RIC8B: variants seen among roughly 807,000 people sequenced by gnomAD.
The protein encoded by RIC8B is RIC8 guanine nucleotide exchange factor B.
In RIC8B, 16 loss-of-function variants were observed where a neutral mutation model predicts 57.5. The observed-to-expected ratio is 0.28, with a 90% confidence interval of 0.19 to 0.42. RIC8B has a LOEUF of 0.42. RIC8B is among the 10% of genes least tolerant of loss of function. The probability of loss-of-function intolerance (pLI) is 1.00; values close to 1 mark genes in which losing one functional copy is unlikely to be tolerated. For synonymous variants in RIC8B, 216 were observed against 250.8 expected, an observed-to-expected ratio of 0.86 and a Z score of 1.31; for missense variants, 481 against 677.0, an observed-to-expected ratio of 0.71 and a Z score of 3.21.
chr12:106,781,956 C>A (rs934911627), intron 1 of RIC8B, among the ~76,000 whole-genome samples: 22 of 152,248 alleles, frequency 1.4e-4, no homozygotes, highest in African/African-American at 4.8e-4. Context: ...CACTAAACCT[C>A]AGGTCTATAC....
chr12:106,872,669 CAA>C (rs11396158), intron 9 of RIC8B, among the ~76,000 whole-genome samples: 5 of 92,836 alleles, frequency 5.4e-5, no homozygotes, highest in Admixed American at 1.2e-4. Context: ...AACTCTGTCT[CAA>C]AAAAAAAAAA....
chr12:106,807,487 G>A (rs2045095946), intron 2 of RIC8B, among the ~76,000 whole-genome samples: 1 of 152,192 alleles, frequency 6.6e-6, no homozygotes, highest in Admixed American at 6.5e-5. Flanking sequence ...GCTATAGAAG[G>A]GGATAAGACA....
At chr12:106,832,385 T>C (rs952171254) in intron 4 of RIC8B, among the ~76,000 whole-genome samples, 3 of 152,108 alleles carry the variant, frequency 2.0e-5, no homozygotes, top group Admixed American at 2.0e-4. Flanking sequence ...CTGGCCAACA[T>C]GGTGAAACCA....
At chr12:106,804,630 G>C (rs2044920449) in intron 2 of RIC8B, among the ~76,000 whole-genome samples, 1 of 152,244 alleles carries the variant, frequency 6.6e-6, no homozygotes, top group South Asian at 2.1e-4. Context: ...ATATTCTATA[G>C]CACACAGTGC....
intron 4 of RIC8B, among the ~76,000 whole-genome samples, chr12:106,831,977 T>C (rs766713326): frequency 9.2e-5 from 14 of 152,202 alleles, no homozygotes; most frequent in Non-Finnish European, 1.8e-4. Flanking sequence ...GCTACTCTGC[T>C]CTTCTTTCTC....
intron 8 of RIC8B, among the ~76,000 whole-genome samples, chr12:106,862,879 T>A (rs1949997953): frequency 6.6e-6 from 1 of 152,160 alleles, no homozygotes; most frequent in African/African-American, 2.4e-5. Flanking sequence ...TTTAATGGAC[T>A]GGAAATGGCT....
intron 2 of RIC8B, among the ~76,000 whole-genome samples, chr12:106,795,617 C>T (rs2044444923): frequency 6.6e-6 from 1 of 152,112 alleles, no homozygotes; most frequent in Non-Finnish European, 1.5e-5. Flanking sequence ...GTCTTGTCTG[C>T]TCCTTAATGT....
At chr12:106,869,837 G>T (rs1950319218) in intron 8 of RIC8B, among the ~76,000 whole-genome samples, 2 of 152,178 alleles carry the variant, frequency 1.3e-5, no homozygotes, top group African/African-American at 4.8e-5. Context: ...CACCCTGGAG[G>T]TTGAGGCAGG....
rs368782895 is a variant in RIC8B at position 106,886,012 on chromosome 12, C to G, written c.1680C>G (p.Asp560Glu). 180 of 1,599,138 alleles carry G rather than the reference C, an allele frequency of 1.1e-4. No homozygotes were observed. The highest frequency in any genetic ancestry group is 1.4e-4 in the Non-Finnish European group (166 of 1,166,738). Reference protein sequence around the residue: ...SVIEETSSDTD With the variant: ...SVIEETSSDTE ...TCGAAGAGACCAGCTCTGACACAGA[C>G]TAAAAGCATCACCTGCTCAACTCTC... Residue 560 changes from aspartate (D) to glutamate (E), a missense_variant, in exon 10 of 10, where the codon GAC (aspartate) becomes GAG (glutamate). By Grantham distance (45) the Asp-to-Glu change is conservative. Transcript: ENST00000392837.
At chr12:106,824,248 G>A (rs186765960) in intron 3 of RIC8B, among the ~76,000 whole-genome samples, 39 of 152,130 alleles carry the variant, frequency 2.6e-4, no homozygotes, top group African/African-American at 8.9e-4. Flanking sequence ...TTAATCCTTT[G>A]TAACCCTGAC....
At chr12:106,881,212 G>A (rs77927076) in intron 9 of RIC8B, among the ~76,000 whole-genome samples, 13,853 of 151,864 alleles carry the variant, frequency 0.091, 904 homozygotes, top group Middle Eastern at 0.15. Flanking sequence ...ATCCTTAGAA[G>A]TTGGGGGTGG....
At chr12:106,814,611 TG>T (rs755832709) in intron 2 of RIC8B, 84 bp from the exon 3 acceptor site, 69 of 1,351,192 alleles carry the variant, frequency 5.1e-5, no homozygotes, top group Non-Finnish European at 6.6e-5. Context: ...TTTTAACTGT[TG>T]TTAAGTACAT....
chr12:106,856,023 C>T (rs891079133), intron 7 of RIC8B, among the ~76,000 whole-genome samples: 3 of 152,118 alleles, frequency 2.0e-5, no homozygotes, highest in Admixed American at 6.5e-5. Context: ...TTCCTAAAGC[C>T]AGAAACTTAG....
intron 2 of RIC8B, among the ~76,000 whole-genome samples, chr12:106,795,731 T>C (rs971090244): frequency 6.6e-6 from 1 of 152,164 alleles, no homozygotes; most frequent in African/African-American, 2.4e-5. Context: ...AGGCTGCTCT[T>C]TGTTAGAAAG....
chr12:106,816,840 T>C (rs2136293499), intron 3 of RIC8B, among the ~76,000 whole-genome samples: 1 of 152,344 alleles, frequency 6.6e-6, no homozygotes, highest in Admixed American at 6.5e-5. Context: ...GAAGAAGCTT[T>C]AGAAAATGTT....
intron 7 of RIC8B, among the ~76,000 whole-genome samples, chr12:106,858,106 G>A (rs1272306644): frequency 4.6e-5 from 7 of 152,038 alleles, no homozygotes; most frequent in Non-Finnish European, 1.0e-4. Flanking sequence ...CAGTTATTTA[G>A]TATTCTGTTT....
chr12:106,868,766 GACAC>G (rs56293147), intron 8 of RIC8B, among the ~76,000 whole-genome samples: 27,705 of 122,620 alleles, frequency 0.23, 3,155 homozygotes, highest in South Asian at 0.31. Flanking sequence ...AGGCACTCTA[GACAC>G]ACACACACAC....
intron 2 of RIC8B, among the ~76,000 whole-genome samples, chr12:106,800,277 C>A (rs143285322): frequency 2.6e-5 from 4 of 152,038 alleles, no homozygotes; most frequent in Admixed American, 2.0e-4. Flanking sequence ...AGCATCTTTC[C>A]GGGGAAGCCT....
chr12:106,881,683 T>C (rs188815302), intron 9 of RIC8B, among the ~76,000 whole-genome samples: 77 of 152,260 alleles, frequency 5.1e-4, no homozygotes, highest in African/African-American at 1.7e-3. Context: ...TAGTCCCAGA[T>C]TATAAATGAG....
Sources: allele counts gnomAD v4.1 joint callset (sites outside exome capture counted in the v4.1 genomes callset), GRCh38; gene constraint gnomAD v4.1.1; transcripts MANE v1.5; gene names NCBI Gene and HGNC (gene_info 2026-07-23, HGNC 2026-07-21).